Variants in SLC24A3 observed in about 807,000 individuals in gnomAD.
SLC24A3 encodes the protein sodium/potassium/calcium exchanger 3.
Under a neutral mutation model 75.8 loss-of-function variants are expected in SLC24A3, and 28 were observed. The ratio of observed to expected loss-of-function variants is 0.37; its 90% CI spans 0.27 to 0.51. The LOEUF (loss-of-function observed/expected upper bound fraction) is 0.51, where lower values mean the gene tolerates loss of function less well. Ranked by LOEUF, SLC24A3 falls within the 20% of genes least tolerant of loss-of-function variation. SLC24A3 has a pLI of 0.94. For synonymous variants in SLC24A3, 372 were observed against 334.1 expected, an observed-to-expected ratio of 1.11 and a Z score of -1.24; for missense variants, 663 against 847.8, an observed-to-expected ratio of 0.78 and a Z score of 2.71.
intron 3 of SLC24A3, among the ~76,000 whole-genome samples, chr20:19,520,619 A>G (rs2030080892): frequency 6.6e-6 from 1 of 152,210 alleles, no homozygotes; most frequent in African/African-American, 2.4e-5. Context: ...GCTCCCTACA[A>G]GTGGAGGTTC....
At chr20:19,336,794 C>T (rs985102631) in intron 2 of SLC24A3, among the ~76,000 whole-genome samples, 5 of 151,414 alleles carry the variant, frequency 3.3e-5, no homozygotes, top group Admixed American at 2.6e-4. Context: ...ACGTTAGATT[C>T]GCCTATGCTT....
At chr20:19,472,076 G>C (rs927341740) in intron 2 of SLC24A3, among the ~76,000 whole-genome samples, 20 of 151,776 alleles carry the variant, frequency 1.3e-4, no homozygotes, top group Admixed American at 1.3e-3. Context: ...TAGAGCAGAA[G>C]TTCTTAATTT....
At chr20:19,390,913 C>A (rs1373141001) in intron 2 of SLC24A3, among the ~76,000 whole-genome samples, 2 of 152,118 alleles carry the variant, frequency 1.3e-5, no homozygotes, top group Non-Finnish European at 2.9e-5. Context: ...TCTGAGGCTG[C>A]AGGGGCTTGC....
At chr20:19,299,581 G>T (rs931650428) in intron 2 of SLC24A3, among the ~76,000 whole-genome samples, 30 of 152,174 alleles carry the variant, frequency 2.0e-4, no homozygotes, top group African/African-American at 7.0e-4. Flanking sequence ...CACCTGGACT[G>T]ATCTTTTTAT....
intron 13 of SLC24A3, 81 bp downstream of exon 13, chr20:19,693,506 A>G: frequency 2.6e-6 from 4 of 1,528,876 alleles, no homozygotes; most frequent in Non-Finnish European, 3.5e-6. Flanking sequence ...GTTTCAGCCG[A>G]TAACTGTACT....
intron 3 of SLC24A3, among the ~76,000 whole-genome samples, chr20:19,522,069 G>C (rs1470884181): frequency 6.6e-6 from 1 of 152,164 alleles, no homozygotes; most frequent in Non-Finnish European, 1.5e-5. Context: ...GTAGCCACTG[G>C]CCATGGGAGC....
intron 2 of SLC24A3, among the ~76,000 whole-genome samples, chr20:19,442,358 C>T (rs1209303698): frequency 1.3e-5 from 2 of 152,202 alleles, no homozygotes; most frequent in Non-Finnish European, 2.9e-5. Context: ...TACCCCACAT[C>T]TTCACCAGCA....
chr20:19,429,639 A>G (rs1568615584), intron 2 of SLC24A3, among the ~76,000 whole-genome samples: 1 of 152,180 alleles, frequency 6.6e-6, no homozygotes, highest in Non-Finnish European at 1.5e-5. Flanking sequence ...CTTGACAATG[A>G]GGTTCTTCCA....
intron 2 of SLC24A3, among the ~76,000 whole-genome samples, chr20:19,460,521 C>T (rs6046105): frequency 0.024 from 3,680 of 152,210 alleles, 143 homozygotes; most frequent in African/African-American, 0.084. Flanking sequence ...ATTTCTTCTG[C>T]GTGCTTTGTG....
intron 2 of SLC24A3, among the ~76,000 whole-genome samples, chr20:19,482,450 C>A (rs1433139155): frequency 1.3e-5 from 2 of 152,170 alleles, no homozygotes; most frequent in South Asian, 2.1e-4. Context: ...CACAGCCATC[C>A]TTGCACAGGT....
At chr20:19,372,633 C>A (rs1340116824) in intron 2 of SLC24A3, among the ~76,000 whole-genome samples, 10 of 152,140 alleles carry the variant, frequency 6.6e-5, no homozygotes, top group Non-Finnish European at 1.3e-4. Context: ...GAGAAGCTTC[C>A]TATGTGTTTA....
rs555659261 is a variant in SLC24A3 at position 19,707,705 on chromosome 20, CAT to C, written c.1719+9026_1719+9027del. ...TGAGAAGGAGAATAATCATAAGTAA[CAT>C]GTGATTCTTTGCTTGGGCAACTAAG... On this transcript the variant is annotated intron_variant, in intron 15 of 16. Coordinates refer to ENST00000328041, the MANE Select transcript of SLC24A3 (RefSeq NM_020689.4). 4.2e-3 allele frequency among the ~76,000 whole-genome samples: 646 copies of C among 152,322 alleles called. 7 individuals carry two copies. The highest frequency in any genetic ancestry group is 0.014 in the African/African-American group (599 of 41,566).
At chr20:19,620,397 A>G (rs1295295703) in intron 6 of SLC24A3, among the ~76,000 whole-genome samples, 3 of 152,218 alleles carry the variant, frequency 2.0e-5, no homozygotes, top group African/African-American at 7.2e-5. Flanking sequence ...CAAAACCAGT[A>G]TATTCTGCAG....
chr20:19,397,271 A>C (rs1405117587), intron 2 of SLC24A3, among the ~76,000 whole-genome samples: 1 of 152,158 alleles, frequency 6.6e-6, no homozygotes, highest in Non-Finnish European at 1.5e-5. Context: ...TTTCTTCCAC[A>C]ATCCATATTT....
intron 2 of SLC24A3, among the ~76,000 whole-genome samples, chr20:19,295,729 T>A (rs1984041936): frequency 6.6e-6 from 1 of 152,218 alleles, no homozygotes; most frequent in Non-Finnish European, 1.5e-5. Context: ...ATAAACTTTT[T>A]GATGTGCTGC....
At chr20:19,373,178 G>A (rs1008409361) in intron 2 of SLC24A3, among the ~76,000 whole-genome samples, 1 of 152,082 alleles carries the variant, frequency 6.6e-6, no homozygotes, top group Non-Finnish European at 1.5e-5. Context: ...GAAGCTTTTA[G>A]GTCTGGTTTT....
chr20:19,506,960 C>T (rs1454834530), intron 2 of SLC24A3, among the ~76,000 whole-genome samples: 2 of 152,222 alleles, frequency 1.3e-5, no homozygotes, highest in Non-Finnish European at 2.9e-5. Context: ...CACCCAGCAC[C>T]TCCTGTTGCC....
At chr20:19,570,748 C>T (rs1485458449) in intron 3 of SLC24A3, among the ~76,000 whole-genome samples, 1 of 152,100 alleles carries the variant, frequency 6.6e-6, no homozygotes, top group Admixed American at 6.5e-5. Flanking sequence ...CTGCTGGGGA[C>T]ATATTCCCAG....
intron 6 of SLC24A3, among the ~76,000 whole-genome samples, chr20:19,622,309 C>T (rs1013491542): frequency 6.6e-5 from 10 of 152,142 alleles, no homozygotes; most frequent in Non-Finnish European, 1.3e-4. Context: ...CTGTTAAGGG[C>T]TAACCTGTGG....
Sources: gnomAD v4.1 joint callset for allele counts (sites outside exome capture counted in the v4.1 genomes callset) on GRCh38, gnomAD v4.1.1 for gene constraint, MANE v1.5 for transcripts, NCBI Gene and HGNC (gene_info 2026-07-23, HGNC 2026-07-21) for gene names.